TECPR2: variants seen among roughly 807,000 people sequenced by gnomAD.
TECPR2 encodes the protein tectonin beta-propeller repeat containing 2.
In TECPR2, 65 loss-of-function variants were observed where a neutral mutation model predicts 138.1. That is an observed-to-expected ratio of 0.47 (90% CI 0.39 to 0.58). The LOEUF (loss-of-function observed/expected upper bound fraction) is 0.58. Ranked by LOEUF, TECPR2 falls within the 20% of genes least tolerant of loss-of-function variation. The probability of loss-of-function intolerance (pLI) is 0.00; values close to 1 mark genes in which losing one functional copy is unlikely to be tolerated. For synonymous variants in TECPR2, 746 were observed against 749.8 expected (o/e 0.99, Z 0.08); for missense variants, 1,553 against 1,824.5 (o/e 0.85, Z 2.71).
chr14:102,494,555 G>A (rs568905849), intron 17 of TECPR2, among the ~76,000 whole-genome samples: 14 of 150,712 alleles, frequency 9.3e-5, no homozygotes, highest in Admixed American at 6.0e-4. Flanking sequence ...GGACGGGTGC[G>A]GTGGCTCACG....
In TECPR2 at chr14:102,483,987, A is replaced by G. The variant is rs76689751; in HGVS notation, c.3790-12992A>G. On this transcript the variant is annotated intron_variant, in intron 17 of 19. Transcript: ENST00000359520. ...GATTCTTATATTTTCAGTAGAGACA[A>G]GGTTTCACCATGTTTGCCAGGCTGG... 1.6e-4 allele frequency among the ~76,000 whole-genome samples: 12 copies of G among 77,330 alleles called. 1 individual carries two copies. Among genetic ancestry groups the G allele is most frequent in the African/African-American group, 5.3e-4 (9 of 17,142 alleles). 50.7% of individuals were successfully genotyped at this position (77,330 alleles called of 152,430 possible). A position where few individuals can be genotyped will look rare whatever the true frequency, so the allele number is the denominator to read the frequency against.
rs1175273131 is a variant in TECPR2 at position 102,428,244 on chromosome 14, T to G, written c.952-6T>G. 1.9e-5 allele frequency: 26 copies of G among 1,351,072 alleles called. No homozygotes were observed. Among genetic ancestry groups the G allele is most frequent in the Non-Finnish European group, 2.0e-5 (20 of 1,019,812 alleles). The allele number at this position is 1,351,072 out of a possible 1,614,324, so 83.7% of individuals were successfully genotyped here. A position where few individuals can be genotyped will look rare whatever the true frequency, so the allele number is the denominator to read the frequency against. ...TTTGTTTTTTTTTTTTTTTTTTTTTTGACAGGCCACAGTTGCTGGTTTGGA... is the reference window on the plus strand; with the variant it reads ...TTTGTTTTTTTTTTTTTTTTTTTTTGGACAGGCCACAGTTGCTGGTTTGGA... On this transcript the variant is annotated splice_polypyrimidine_tract_variant and splice_region_variant and intron_variant, in intron 6 of 19. Coordinates refer to ENST00000359520, the MANE Select transcript of TECPR2 (RefSeq NM_014844.5).
chr14:102,385,322 C>T (rs747661692), intron 2 of TECPR2, among the ~76,000 whole-genome samples: 7 of 152,098 alleles, frequency 4.6e-5, no homozygotes, highest in Non-Finnish European at 7.4e-5. Flanking sequence ...AGGGATCTAC[C>T]CCCATGGCCC....
rs1250289814 is a variant in TECPR2, at chr14:102,415,746, T to A, written c.638+953T>A. Among the ~76,000 whole-genome samples, 2 of 152,156 alleles carry A rather than the reference T, an allele frequency of 1.3e-5. No individual in the cohort carries two copies. Among genetic ancestry groups the A allele is most frequent in the African/African-American group, 4.8e-5 (2 of 41,440 alleles). ...GGGAGCTGGAAGAGTTCCCGTCTTG[T>A]GTCTCCCAGGAAAGGGCACTGTTTG... is the stretch of plus-strand genomic sequence containing the variant. On this transcript the variant is annotated intron_variant, in intron 5 of 19. Coordinates refer to ENST00000359520, the MANE Select transcript of TECPR2 (RefSeq NM_014844.5). The surrounding 1 kb of genome is among the most constrained non-coding windows in gnomAD (Gnocchi z 4.3).
chr14:102,431,509 A>T (rs1482178317), intron 7 of TECPR2, among the ~76,000 whole-genome samples: 1 of 151,866 alleles, frequency 6.6e-6, no homozygotes, highest in Non-Finnish European at 1.5e-5. Context: ...TGCCCGGCTA[A>T]TTTTTTGTAT....
chr14:102,443,891 G>T lies in TECPR2; in HGVS notation c.2933+64G>T. ...TCCTACCCTTCGTTCTTGTCCACTT[G>T]ACACCACAAGGCACCATGAGGCCGT... On this transcript the variant is annotated intron_variant, in intron 12 of 19. Transcript: ENST00000359520. This position sits in a 1 kb window ranked among gnomAD's most constrained non-coding sequence, Gnocchi z 4.9. 7.0e-7 allele frequency: 1 copy of T among 1,423,540 alleles called. No homozygotes were observed. The highest frequency in any genetic ancestry group is 1.6e-5 in the South Asian group (1 of 62,162). The allele number at this position is 1,423,540 out of a possible 1,614,324, so 88.2% of individuals were successfully genotyped here.
chr14:102,466,152 G>C (rs1477964936), intron 17 of TECPR2, among the ~76,000 whole-genome samples: 1 of 152,098 alleles, frequency 6.6e-6, no homozygotes, highest in East Asian at 1.9e-4. Flanking sequence ...GAGGCCTCAG[G>C]GATGAGGACA....
chr14:102,429,533 G>A (rs904433475), intron 7 of TECPR2, among the ~76,000 whole-genome samples: 38 of 152,166 alleles, frequency 2.5e-4, no homozygotes, highest in African/African-American at 8.2e-4. Context: ...GTCCTCTTGC[G>A]GACATCCACA....
chr14:102,460,256 C>T (rs1226535914), intron 16 of TECPR2, among the ~76,000 whole-genome samples: 1 of 151,876 alleles, frequency 6.6e-6, no homozygotes, highest in African/African-American at 2.4e-5. Flanking sequence ...GGTGCCACTG[C>T]ACTCCAGCCT....
intron 5 of TECPR2, among the ~76,000 whole-genome samples, chr14:102,416,035 G>A (rs1595113019): frequency 6.6e-6 from 1 of 152,200 alleles, no homozygotes; most frequent in Non-Finnish European, 1.5e-5. Flanking sequence ...TCTCTTTTCT[G>A]CATGGCAGCC....
At chr14:102,365,981 C>T (rs141596186) in intron 1 of TECPR2, among the ~76,000 whole-genome samples, 73 of 152,282 alleles carry the variant, frequency 4.8e-4, no homozygotes, top group African/African-American at 1.8e-3. Flanking sequence ...TAATAGATGT[C>T]GTAGCCAGAT....
Position 102,472,901 on chromosome 14 carries a change from G to A in TECPR2, c.3789+7612G>A, listed in dbSNP as rs146264211. 3.2e-3 allele frequency among the ~76,000 whole-genome samples: 486 copies of A among 152,336 alleles called. 5 individuals are homozygous for A. The highest frequency in any genetic ancestry group is 7.9e-3 in the South Asian group (38 of 4,824). ...CTGGGCTGAGGAAGGCGCTTCTCCC[G>A]GGCTGCTGGCACTGACGATTGTTTG... On this transcript the variant is annotated intron_variant, in intron 17 of 19. Coordinates refer to ENST00000359520, the MANE Select transcript of TECPR2 (RefSeq NM_014844.5).
rs565236204 is a variant in TECPR2, at chr14:102,428,222, G to GTTTTTTTTTTTTTTTTTTTTTT, written c.952-27_952-6dup. ...ACCGTTGTTTAGTTTTGTGTTTTTT[G>GTTTTTTTTTTTTTTTTTTTTTT]TTTTTTTTTTTTTTTTTTTTTTGAC... On this transcript the variant is annotated intron_variant, in intron 6 of 19. Coordinates refer to ENST00000359520, the MANE Select transcript of TECPR2 (RefSeq NM_014844.5). The GTTTTTTTTTTTTTTTTTTTTTT allele has an allele frequency of 8.7e-5, 92 of 1,058,592 alleles. 2 individuals are homozygous for GTTTTTTTTTTTTTTTTTTTTTT. Among genetic ancestry groups the GTTTTTTTTTTTTTTTTTTTTTT allele is most frequent in the Admixed American group, 4.0e-4 (8 of 19,860 alleles). The allele number at this position is 1,058,592 out of a possible 1,614,324, so 65.6% of individuals were successfully genotyped here. A position where few individuals can be genotyped will look rare whatever the true frequency, so the allele number is the denominator to read the frequency against.
chr14:102,408,476 C>T lies in TECPR2; in HGVS notation c.349-12C>T. 1.3e-6 allele frequency: 2 copies of T among 1,592,468 alleles called. No individual in the cohort carries two copies. The highest frequency in any genetic ancestry group is 1.2e-5 in the South Asian group (1 of 86,568). On this transcript the variant is annotated splice_polypyrimidine_tract_variant and intron_variant, in intron 3 of 19. Coordinates refer to ENST00000359520, the MANE Select transcript of TECPR2 (RefSeq NM_014844.5). Reference sequence around the variant, plus strand: ...TTTTTTTCTTGTGTATATTTTTATCCCTTGTTCATAGCTTCGGAGATTTGA... The same window carrying T: ...TTTTTTTCTTGTGTATATTTTTATCTCTTGTTCATAGCTTCGGAGATTTGA...
intron 2 of TECPR2, among the ~76,000 whole-genome samples, chr14:102,406,716 G>T (rs141144100): frequency 3.3e-5 from 5 of 152,200 alleles, no homozygotes; most frequent in Non-Finnish European, 5.9e-5. Flanking sequence ...TTACCTGGGT[G>T]TGGGGCACAC....
At chr14:102,496,901 C>A in intron 17 of TECPR2, 78 bp from the exon 18 acceptor site, 2 of 1,570,036 alleles carry the variant, frequency 1.3e-6, no homozygotes, top group South Asian at 1.2e-5. Flanking sequence ...ACTAACATGT[C>A]CCCAGTTCCG....
At chr14:102,475,820 A>C (rs1436474160) in intron 17 of TECPR2, among the ~76,000 whole-genome samples, 2 of 152,180 alleles carry the variant, frequency 1.3e-5, no homozygotes, top group African/African-American at 4.8e-5. Context: ...CAGATGGTAA[A>C]ATTCATAGAC....
rs62008781 is a variant in TECPR2, at chr14:102,431,406, A to G, written c.1085-390A>G. Among the ~76,000 whole-genome samples the G allele has an allele frequency of 3.1e-4, 43 of 139,900 alleles. 1 individual carries two copies. The highest frequency in any genetic ancestry group is 2.8e-3 in the Admixed American group (38 of 13,366). 91.8% of individuals were successfully genotyped at this position (139,900 alleles called of 152,430 possible). A position where few individuals can be genotyped will look rare whatever the true frequency, so the allele number is the denominator to read the frequency against. On this transcript the variant is annotated intron_variant, in intron 7 of 19. Coordinates refer to ENST00000359520, the MANE Select transcript of TECPR2 (RefSeq NM_014844.5). ...TGCCCAGGCTGGAGTGCAGTGGCGC[A>G]ATCTCGGCTCACTGCAAGCTTTGCC...
chr14:102,380,570 CAT>C (rs750072030), intron 2 of TECPR2, among the ~76,000 whole-genome samples: 3 of 152,214 alleles, frequency 2.0e-5, no homozygotes, highest in Admixed American at 6.5e-5. Flanking sequence ...CCTCCTACGA[CAT>C]GTGGGGATTA....
Sources: gnomAD v4.1 joint callset for allele counts (sites outside exome capture counted in the v4.1 genomes callset) on GRCh38, gnomAD v4.1.1 for gene constraint, Gnocchi (gnomAD v3.1) non-coding constraint, MANE v1.5 for transcripts, NCBI Gene and HGNC (gene_info 2026-07-23, HGNC 2026-07-21) for gene names.